CSMD3: variants seen among roughly 807,000 people sequenced by gnomAD.
CSMD3 encodes CUB and sushi domain-containing protein 3.
Under a neutral mutation model 435.2 loss-of-function variants are expected in CSMD3, and 177 were observed. The ratio of observed to expected loss-of-function variants is 0.41; its 90% CI spans 0.36 to 0.46. The LOEUF is 0.46. Among genes scored for constraint, CSMD3 ranks in the 20% least tolerant of loss-of-function variants. The pLI, the probability that CSMD3 is intolerant of heterozygous loss-of-function variation, is 0.34. For synonymous variants in CSMD3, 1,656 were observed against 1,520.5 expected (o/e 1.09, Z -2.07); for missense variants, 4,265 against 4,504.6 (o/e 0.95, Z 1.52).
intron 13 of CSMD3, among the ~76,000 whole-genome samples, chr8:112,783,239 T>G (rs999418356): frequency 3.3e-5 from 5 of 151,772 alleles, no homozygotes; most frequent in Non-Finnish European, 7.4e-5. Flanking sequence ...TGTTAATTTG[T>G]TTTGCAATAA....
chr8:112,647,007 C>T (rs1260866453), intron 19 of CSMD3, among the ~76,000 whole-genome samples: 1 of 152,076 alleles, frequency 6.6e-6, no homozygotes, highest in Non-Finnish European at 1.5e-5. Context: ...GTTAACTCAG[C>T]CCCCACAACA....
At chr8:113,056,386 G>C (rs2088340896) in intron 5 of CSMD3, among the ~76,000 whole-genome samples, 2 of 152,178 alleles carry the variant, frequency 1.3e-5, no homozygotes. Context: ...CAGAGATAAA[G>C]CAAGTTTCTG....
chr8:112,378,057 T>C (rs962139863), intron 38 of CSMD3, among the ~76,000 whole-genome samples: 3 of 152,024 alleles, frequency 2.0e-5, no homozygotes, highest in African/African-American at 7.2e-5. Context: ...GAATTAAAAT[T>C]GTCCCTGTCT....
At chr8:112,516,987 C>T (rs2130986255) in intron 28 of CSMD3, 47 bp downstream of exon 28, 1 of 1,421,308 alleles carries the variant, frequency 7.0e-7, no homozygotes, top group Non-Finnish European at 9.9e-7. Flanking sequence ...AGTTTTTAAC[C>T]ATTGTTTTAT....
intron 27 of CSMD3, among the ~76,000 whole-genome samples, chr8:112,536,552 C>G (rs1826105566): frequency 1.3e-5 from 2 of 152,150 alleles, no homozygotes; most frequent in Admixed American, 1.3e-4. Context: ...GAAATAGGAA[C>G]ACTTTTACAC....
intron 31 of CSMD3, among the ~76,000 whole-genome samples, 159 bp downstream of exon 31, chr8:112,492,330 G>A: frequency 6.6e-6 from 1 of 152,240 alleles, no homozygotes; most frequent in Middle Eastern, 3.4e-3. Flanking sequence ...GGTCTTTATT[G>A]AATTCAACTT....
At chr8:112,511,218 G>T (rs1039842375) in intron 28 of CSMD3, among the ~76,000 whole-genome samples, 1 of 151,816 alleles carries the variant, frequency 6.6e-6, no homozygotes, top group African/African-American at 2.4e-5. Context: ...TGTACCTAAC[G>T]TAATTAAAAA....
chr8:112,390,878 T>G, intron 35 of CSMD3, 90 bp from the exon 36 acceptor site: 1 of 1,190,828 alleles, frequency 8.4e-7, no homozygotes, highest in Non-Finnish European at 1.2e-6. Context: ...CTTAGACAGA[T>G]ACTAGACTTG....
At chr8:112,785,433 T>C (rs1202328238) in intron 13 of CSMD3, among the ~76,000 whole-genome samples, 1 of 151,930 alleles carries the variant, frequency 6.6e-6, no homozygotes, top group African/African-American at 2.4e-5. Context: ...GGGAAAGAAA[T>C]AAAGGGCATC....
chr8:113,250,574 T>A (rs767231769), intron 3 of CSMD3, among the ~76,000 whole-genome samples: 1 of 152,018 alleles, frequency 6.6e-6, no homozygotes, highest in African/African-American at 2.4e-5. Context: ...AGAGCGGAGT[T>A]TGGATTTAAA....
At position 113,368,537 on chromosome 8, in the gene CSMD3, T is replaced by C. The variant is rs1395024450; in HGVS notation, c.179-53744A>G. On this transcript the variant is annotated intron_variant, in intron 1 of 70. Transcript: ENST00000297405. ...ATAAATATGTTTCTTTATATAAAGA[T>C]GTTAATGTGTTACCTTTCCTTATAT... 2.0e-5 allele frequency among the ~76,000 whole-genome samples: 3 copies of C among 152,254 alleles called. No homozygotes were observed. The East Asian group carries it at 5.8e-4, about 29-fold the overall frequency.
chr8:112,638,751 C>A lies in CSMD3; in HGVS notation c.3471G>T (p.Leu1157Phe), dbSNP rs780906925. 6.2e-6 allele frequency: 10 copies of A among 1,611,178 alleles called. No homozygotes were observed. The South Asian group carries it at 9.9e-5, about 16-fold the overall frequency. ...ATATTGAAAAATCTGAAATGAAACG[C>A]AATTGAGCCCTGAAATTTCCATAGA... ...AGLYGNFRAQ[L>F]RFISDFSISY... Residue 1157 changes from leucine (L) to phenylalanine (F), a missense_variant, in exon 21 of 71, where the codon TTG becomes TTT. Around this residue, in one of 3 missense-constraint regions of CSMD3, gnomAD observed 3,255 missense variants for 3,380.2 expected, o/e 0.96. Coordinates refer to ENST00000297405, the MANE Select transcript of CSMD3 (RefSeq NM_198123.2).
intron 9 of CSMD3, among the ~76,000 whole-genome samples, chr8:112,937,276 T>C (rs921534316): frequency 3.3e-5 from 5 of 152,106 alleles, no homozygotes; most frequent in African/African-American, 1.2e-4. Context: ...AATAATGTAC[T>C]GACAGTTTTG....
intron 10 of CSMD3, among the ~76,000 whole-genome samples, chr8:112,918,203 T>A (rs1375860901): frequency 1.3e-5 from 2 of 151,696 alleles, no homozygotes; most frequent in African/African-American, 2.4e-5. Context: ...TGAATAAAAA[T>A]AAATTGATCA....
intron 5 of CSMD3, among the ~76,000 whole-genome samples, chr8:113,093,803 T>C (rs899624773): frequency 6.6e-6 from 1 of 152,140 alleles, no homozygotes; most frequent in African/African-American, 2.4e-5. Flanking sequence ...ACGATTTTAA[T>C]AAAACAAAAT....
At chr8:112,326,232 A>C (rs2130900912) in intron 45 of CSMD3, among the ~76,000 whole-genome samples, 1 of 152,306 alleles carries the variant, frequency 6.6e-6, no homozygotes, top group South Asian at 2.1e-4. Flanking sequence ...ACAAAGGGGA[A>C]TTAAACATTG....
At chr8:112,469,914 T>C (rs1385354665) in intron 32 of CSMD3, among the ~76,000 whole-genome samples, 2 of 152,118 alleles carry the variant, frequency 1.3e-5, no homozygotes, top group African/African-American at 4.8e-5. Context: ...AGAAGTGATA[T>C]GTGATGAAGT....
chr8:113,214,254 G>C (rs562239195), intron 3 of CSMD3, among the ~76,000 whole-genome samples: 1 of 151,846 alleles, frequency 6.6e-6, no homozygotes, highest in East Asian at 1.9e-4. Context: ...ATTTTTATTT[G>C]TGCAGATTTA....
intron 32 of CSMD3, among the ~76,000 whole-genome samples, chr8:112,413,158 C>A (rs761026695): frequency 6.6e-6 from 1 of 152,038 alleles, no homozygotes; most frequent in Non-Finnish European, 1.5e-5. Context: ...TTGCTATAAC[C>A]TTTATCCCAA....
Sources: gnomAD v4.1 joint callset for allele counts (sites outside exome capture counted in the v4.1 genomes callset) on GRCh38, gnomAD v4.1.1 for gene constraint, gnomAD v4.1.1 regional missense constraint, MANE v1.5 for transcripts, NCBI Gene and HGNC (gene_info 2026-07-23, HGNC 2026-07-21) for gene names.